Variants in PRKN observed in about 807,000 individuals in gnomAD.
PRKN encodes E3 ubiquitin-protein ligase parkin.
In PRKN, 56 loss-of-function variants were observed where a neutral mutation model predicts 59.5. That is an observed-to-expected ratio of 0.94 (90% CI 0.76 to 1.18). PRKN has a LOEUF of 1.18. PRKN is among the 50% of genes most tolerant of loss of function. The probability of loss-of-function intolerance (pLI) is 0.00; values close to 1 mark genes in which losing one functional copy is unlikely to be tolerated. For missense variants in PRKN, 657 were observed against 596.4 expected (o/e 1.10, Z -1.06); for synonymous variants, 250 against 222.1 (o/e 1.13, Z -1.12).
In PRKN at chr6:161,874,593, T is replaced by TA. The variant is rs1248402762; in HGVS notation, c.735-88686dup. Among the ~76,000 whole-genome samples the TA allele has an allele frequency of 1.2e-3, 124 of 106,928 alleles. 4 individuals are homozygous for TA. The highest frequency in any genetic ancestry group is 5.3e-3 in the African/African-American group (119 of 22,372). The allele number at this position is 106,928 out of a possible 152,430, so 70.1% of individuals were successfully genotyped here. A position where few individuals can be genotyped will look rare whatever the true frequency, so the allele number is the denominator to read the frequency against. On this transcript the variant is annotated intron_variant, in intron 6 of 11. Coordinates refer to ENST00000366898, the MANE Select transcript of PRKN (RefSeq NM_004562.3). ...TATATATTATGTAAAATATATATTG[T>TA]ATGTAAAATATATATTACATATAAT...
rs534454679 is a variant in PRKN, at chr6:161,481,000, C to T, written c.1083+67854G>A. Among the ~76,000 whole-genome samples, 21 of 152,330 alleles carry T rather than the reference C, an allele frequency of 1.4e-4. 1 individual carries two copies. The South Asian group carries it at 3.9e-3, about 29-fold the overall frequency. Reference sequence around the variant, plus strand: ...GAAGAGGGGGTTCCTGAGGGAAGCACGAGACGCGGGCTCCAGGCAGCAGCA... The same window carrying T: ...GAAGAGGGGGTTCCTGAGGGAAGCATGAGACGCGGGCTCCAGGCAGCAGCA... On this transcript the variant is annotated intron_variant, in intron 9 of 11. Coordinates refer to ENST00000366898, the MANE Select transcript of PRKN (RefSeq NM_004562.3). This position sits in a 1 kb window ranked among gnomAD's most constrained non-coding sequence, Gnocchi z 4.1.
intron 7 of PRKN, among the ~76,000 whole-genome samples, chr6:161,751,743 C>T (rs1175138876): frequency 6.6e-6 from 1 of 152,130 alleles, no homozygotes; most frequent in Non-Finnish European, 1.5e-5. Flanking sequence ...ATAAACTCAC[C>T]AATGAATAAG....
chr6:162,366,487 C>G (rs1445673650), intron 2 of PRKN, among the ~76,000 whole-genome samples: 7 of 152,022 alleles, frequency 4.6e-5, no homozygotes, highest in Admixed American at 2.0e-4. Context: ...CAAAAATAAA[C>G]ACAGAAAAGA....
intron 6 of PRKN, among the ~76,000 whole-genome samples, chr6:161,882,935 G>A (rs892677664): frequency 1.3e-5 from 2 of 151,734 alleles, no homozygotes; most frequent in African/African-American, 4.8e-5. Context: ...AATCCGGGAG[G>A]TGGAGGTTGC....
intron 6 of PRKN, among the ~76,000 whole-genome samples, chr6:161,858,858 C>CTTTTTTTTTTTTTTTTTTTTTTTTTTTT (rs71544920): frequency 2.8e-5 from 2 of 71,936 alleles, no homozygotes; most frequent in Non-Finnish European, 5.4e-5. Flanking sequence ...CACAGCTGTA[C>CTTTTTTTTTTTTTTTTTTTTTTTTTTTT]TTTTTTTTTT....
At chr6:161,750,122 C>T (rs866077719) in intron 7 of PRKN, among the ~76,000 whole-genome samples, 23 of 118,164 alleles carry the variant, frequency 1.9e-4, no homozygotes, top group African/African-American at 4.2e-4. Context: ...TATATATACA[C>T]ACACACACAC....
intron 9 of PRKN, among the ~76,000 whole-genome samples, chr6:161,438,831 T>C (rs187090671): frequency 3.3e-5 from 5 of 152,294 alleles, no homozygotes; most frequent in African/African-American, 9.6e-5. Context: ...ATACATTTTA[T>C]TAAACTGACG....
At chr6:161,802,815 T>C (rs1364177869) in intron 6 of PRKN, among the ~76,000 whole-genome samples, 1 of 152,232 alleles carries the variant, frequency 6.6e-6, no homozygotes, top group Non-Finnish European at 1.5e-5. Flanking sequence ...TGACTTTGTC[T>C]TTCCTCAGTT....
At chr6:162,593,978 G>A (rs1009358033) in intron 1 of PRKN, among the ~76,000 whole-genome samples, 8 of 152,016 alleles carry the variant, frequency 5.3e-5, no homozygotes, top group South Asian at 4.1e-4. Context: ...GCAAAAGCCC[G>A]CCTCTACTAA....
chr6:162,096,979 G>A lies in PRKN; in HGVS notation c.535-42805C>T, dbSNP rs151028256. On this transcript the variant is annotated intron_variant, in intron 4 of 11. Coordinates refer to ENST00000366898, the MANE Select transcript of PRKN (RefSeq NM_004562.3). ...CCTCCCGGGTTCAAGCCATTCTCCT[G>A]CCTCAGCCTCCCTCAGCCTCCTGAG... 7.5e-3 allele frequency among the ~76,000 whole-genome samples: 1,100 copies of A among 147,208 alleles called. 17 individuals are homozygous for A. Among genetic ancestry groups the A allele is most frequent in the African/African-American group, 0.025 (1,004 of 39,652 alleles).
At chr6:162,514,080 A>G (rs1777743377) in intron 1 of PRKN, among the ~76,000 whole-genome samples, 1 of 152,078 alleles carries the variant, frequency 6.6e-6, no homozygotes, top group Non-Finnish European at 1.5e-5. Context: ...AATTAACCTA[A>G]AAACTAAAAT....
chr6:162,403,455 T>C (rs1211555880), intron 2 of PRKN, among the ~76,000 whole-genome samples: 3 of 152,186 alleles, frequency 2.0e-5, no homozygotes, highest in Non-Finnish European at 4.4e-5. Flanking sequence ...TTTATTTTTA[T>C]CTACAGCATA....
chr6:162,727,730 C>G lies in PRKN; in HGVS notation c.-62G>C. ...GGCCCATGCGCGCAGCGGCGCCAGC[C>G]GCGCCTCCCACCAGCGGCTCTCCTG... On this transcript the variant is annotated 5_prime_UTR_variant, in exon 1 of 12. Transcript: ENST00000366898. 7 of 1,530,064 alleles carry G rather than the reference C, an allele frequency of 4.6e-6. No homozygotes were observed. Among genetic ancestry groups the G allele is most frequent in the Non-Finnish European group, 5.3e-6 (6 of 1,129,002 alleles). 94.8% of individuals were successfully genotyped at this position (1,530,064 alleles called of 1,614,324 possible). A position where few individuals can be genotyped will look rare whatever the true frequency, so the allele number is the denominator to read the frequency against.
At chr6:162,010,276 G>C (rs1459243849) in intron 5 of PRKN, among the ~76,000 whole-genome samples, 1 of 116,018 alleles carries the variant, frequency 8.6e-6, no homozygotes, top group East Asian at 2.5e-4. Context: ...TATATATTAT[G>C]TATGATAAAT....
intron 1 of PRKN, among the ~76,000 whole-genome samples, chr6:162,650,593 G>C (rs1315423171): frequency 1.0e-5 from 1 of 97,892 alleles, no homozygotes; most frequent in African/African-American, 3.5e-5. Context: ...GCGAGACTCC[G>C]TCTCAAAAAA....
At chr6:161,905,034 G>C (rs1450045084) in intron 6 of PRKN, among the ~76,000 whole-genome samples, 1 of 152,150 alleles carries the variant, frequency 6.6e-6, no homozygotes, top group African/African-American at 2.4e-5. Context: ...CATCTGCGAA[G>C]TTTGGTCCCC....
At chr6:162,345,321 A>C (rs112215988) in intron 2 of PRKN, among the ~76,000 whole-genome samples, 11 of 152,322 alleles carry the variant, frequency 7.2e-5, no homozygotes, top group African/African-American at 2.6e-4. Context: ...TTGAAGCAAA[A>C]TAAATTAAGA....
intron 5 of PRKN, among the ~76,000 whole-genome samples, chr6:162,039,636 C>T (rs1437039410): frequency 6.6e-6 from 1 of 152,234 alleles, no homozygotes; most frequent in Non-Finnish European, 1.5e-5. Flanking sequence ...GCTTCTTGTA[C>T]TGCCTGCAGG....
intron 6 of PRKN, among the ~76,000 whole-genome samples, chr6:161,834,837 G>A (rs1792678305): frequency 6.6e-6 from 1 of 152,232 alleles, no homozygotes; most frequent in African/African-American, 2.4e-5. Context: ...GAGACAGCAA[G>A]TTTGCCTTGT....
Sources: allele counts gnomAD v4.1 joint callset (sites outside exome capture counted in the v4.1 genomes callset), GRCh38; gene constraint gnomAD v4.1.1; non-coding constraint Gnocchi (gnomAD v3.1); transcripts MANE v1.5; gene names NCBI Gene and HGNC (gene_info 2026-07-23, HGNC 2026-07-21).